The following NRN1L variants were observed in gnomAD, a reference collection of about 807,000 sequenced individuals.
The protein encoded by NRN1L is neuritin 1 like, also known as neuritin-like protein.
Under a neutral mutation model 8.8 loss-of-function variants are expected in NRN1L, and 12 were observed. The ratio of observed to expected loss-of-function variants is 1.36; its 90% confidence interval spans 0.87 to 2.20. The LOEUF is 2.20. Ranked by LOEUF, NRN1L falls within the 30% of genes most tolerant of loss-of-function variation. The probability of loss-of-function intolerance (pLI) is 0.00; values close to 1 mark genes in which losing one functional copy is unlikely to be tolerated. For missense variants in NRN1L, 266 were observed against 232.4 expected (o/e 1.14, Z -0.94); for synonymous variants, 114 against 99.2 (o/e 1.15, Z -0.88).
chr16:67,886,484 CCTCAATCTTCCTCCTTACAAACA>C (rs1598181709), downstream of NRN1L: 3 of 527,192 alleles, frequency 5.7e-6, no homozygotes, highest in East Asian at 9.5e-5. Flanking sequence ...CCACAGGGGC[CCTCAATCTTCCTCCTTACAAACA>C]CTCATTTCCC....
downstream of NRN1L, among the ~76,000 whole-genome samples, chr16:67,887,760 A>C (rs1197142756): frequency 6.6e-6 from 1 of 151,494 alleles, no homozygotes; most frequent in East Asian, 1.9e-4. Flanking sequence ...TTTTTTTTGT[A>C]TTTTTAGTAG....
chr16:67,886,331 C>T lies in NRN1L; in HGVS notation c.*72C>T, dbSNP rs529410463. ...CGGTGGTTGTCCAGGCTCTGCAGAG[C>T]GCAGCAGGGCTTTTCATTAAAGGTA... On this transcript the variant is annotated 3_prime_UTR_variant, in exon 3 of 3. Coordinates refer to ENST00000339176, the MANE Select transcript of NRN1L (RefSeq NM_198443.2). 13 of 1,276,620 alleles carry T rather than the reference C, an allele frequency of 1.0e-5. No homozygotes were observed. In the South Asian group the frequency reaches 1.0e-4, roughly 10 times the overall value. 79.1% of individuals were successfully genotyped at this position (1,276,620 alleles called of 1,614,324 possible). A position where few individuals can be genotyped will look rare whatever the true frequency, so the allele number is the denominator to read the frequency against.
Position 67,886,008 on chromosome 16 carries a change from G to A in NRN1L, c.247G>A (p.Val83Ile). The change falls in exon 3 of 3, where the codon GTC becomes ATC. Residue 83 changes from valine to isoleucine, a missense_variant. Physicochemically the swap from Val to Ile is conservative, Grantham distance 29. Coordinates refer to ENST00000339176, the MANE Select transcript of NRN1L (RefSeq NM_198443.2). ...WNDFHACASQ[V>I]LSGCPEEAAA... ...TGACTTCCATGCCTGTGCCTCTCAG[G>A]TCCTGTCAGGCTGTCCGGAGGAGGC... 2.5e-6 allele frequency: 4 copies of A among 1,614,156 alleles called. No homozygotes were observed. Among genetic ancestry groups the A allele is most frequent in the Non-Finnish European group, 3.4e-6 (4 of 1,180,032 alleles).
chr16:67,884,892 T>G lies in NRN1L; in HGVS notation c.-12T>G. On this transcript the variant is annotated 5_prime_UTR_variant, in exon 1 of 3. Transcript: ENST00000339176. This position sits in a 1 kb window ranked among gnomAD's most constrained non-coding sequence, Gnocchi z 4.1. ...CAAGCAGCTAGCTCCTGCACTAGGCTCTCAGCCAGGGATGATGCGCTGCTG... is the reference window on the plus strand; with the variant it reads ...CAAGCAGCTAGCTCCTGCACTAGGCGCTCAGCCAGGGATGATGCGCTGCTG... The G allele has an allele frequency of 6.2e-7, 1 of 1,603,332 alleles. No homozygotes were observed.
chr16:67,885,712 C>CCCCA lies in NRN1L; in HGVS notation c.80-9_80-8insCCAC. The stretch of plus-strand genomic sequence containing the variant: ...ATTCCTTCCCCACCCCACCCCCGCC[C>CCCCA]CACTTCTAGTCCTTTTACCTCCCCT... On this transcript the variant is annotated splice_polypyrimidine_tract_variant and intron_variant, in intron 1 of 2. Transcript: ENST00000339176. 1.3e-6 allele frequency: 2 copies of CCCCA among 1,510,454 alleles called. No homozygotes were observed. The highest frequency in any genetic ancestry group is 1.8e-6 in the Non-Finnish European group (2 of 1,105,304). The allele number at this position is 1,510,454 out of a possible 1,614,324, so 93.6% of individuals were successfully genotyped here.
downstream of NRN1L, among the ~76,000 whole-genome samples, chr16:67,887,292 CT>C (rs921896791): frequency 2.0e-3 from 286 of 146,372 alleles, 1 homozygote; most frequent in Middle Eastern, 3.6e-3. Flanking sequence ...TTATTCTTTA[CT>C]TTTTTTTTTT....
chr16:67,887,745 G>T (rs1170780831), downstream of NRN1L, among the ~76,000 whole-genome samples: 1 of 152,052 alleles, frequency 6.6e-6, no homozygotes, highest in Non-Finnish European at 1.5e-5. Context: ...ACCACGCCTG[G>T]CTAATTTTTT....
At chr16:67,886,464 C>T, downstream of NRN1L, 1 of 573,982 alleles carries the variant, frequency 1.7e-6, no homozygotes, top group South Asian at 2.3e-5. Context: ...ATGGGCGGGG[C>T]TGAGGGCCAC....
Position 67,885,276 on chromosome 16 carries a change from C to T in NRN1L, c.79+294C>T, listed in dbSNP as rs2058090607. The T allele has an allele frequency of 4.3e-5, 24 of 563,320 alleles. No individual in the cohort carries two copies. In the South Asian group the frequency reaches 4.7e-4, roughly 11 times the overall value. 34.9% of individuals were successfully genotyped at this position (563,320 alleles called of 1,614,324 possible). A position where few individuals can be genotyped will look rare whatever the true frequency, so the allele number is the denominator to read the frequency against. ...CCTCTCTGAGGGTCTGGCCTGGATC[C>T]CAATACCTCTGCATCCTGCCTTGTC... On this transcript the variant is annotated intron_variant, in intron 1 of 2. Transcript: ENST00000339176.
At chr16:67,887,584 CT>C (rs754203845), downstream of NRN1L, among the ~76,000 whole-genome samples, 680 of 138,604 alleles carry the variant, frequency 4.9e-3, 5 homozygotes, top group African/African-American at 0.011. Context: ...TCTTTACTTT[CT>C]TTTTTTTTTT....
chr16:67,885,880 C>T (rs753101913), intron 2 of NRN1L, 26 bp downstream of exon 2: 3 of 1,571,224 alleles, frequency 1.9e-6, no homozygotes, highest in East Asian at 2.2e-5. Context: ...AGGCAGTGGC[C>T]CAACCTGTGC....
At chr16:67,887,275 C>T (rs1422042197), downstream of NRN1L, among the ~76,000 whole-genome samples, 8 of 152,036 alleles carry the variant, frequency 5.3e-5, no homozygotes, top group Non-Finnish European at 1.2e-4. Flanking sequence ...TTATCACTCC[C>T]TCCACTTTAT....
chr16:67,888,581 G>C (rs2058103031), downstream of NRN1L: 1 of 152,188 alleles, frequency 6.6e-6, no homozygotes, highest in Admixed American at 6.5e-5. Context: ...GGAGGAGAGG[G>C]GTGGGCTGAT....
downstream of NRN1L, among the ~76,000 whole-genome samples, chr16:67,887,091 C>A (rs2058098958): frequency 6.6e-6 from 1 of 152,126 alleles, no homozygotes; most frequent in African/African-American, 2.4e-5. Context: ...CCTCTTCATA[C>A]CGGTGGAAAG....
downstream of NRN1L, among the ~76,000 whole-genome samples, chr16:67,887,847 T>C (rs2058101543): frequency 6.6e-6 from 1 of 152,190 alleles, no homozygotes; most frequent in Admixed American, 6.5e-5. Context: ...CTCCCAGTGT[T>C]GGGATTACAG....
downstream of NRN1L, among the ~76,000 whole-genome samples, chr16:67,888,196 A>C (rs1186598263): frequency 1.3e-5 from 2 of 152,192 alleles, no homozygotes; most frequent in Non-Finnish European, 2.9e-5. Context: ...GTGTGGAATG[A>C]AAGATAGAAC....
chr16:67,887,516 C>T (rs893619126), downstream of NRN1L, among the ~76,000 whole-genome samples: 5 of 151,778 alleles, frequency 3.3e-5, no homozygotes, highest in Non-Finnish European at 7.4e-5. Flanking sequence ...GTGATCTGAC[C>T]CCCGCGGCCT....
intron 1 of NRN1L, 163 bp from the exon 2 acceptor site, chr16:67,885,559 A>G (rs1191027181): frequency 1.7e-6 from 1 of 588,260 alleles, no homozygotes; most frequent in Non-Finnish European, 3.0e-6. Flanking sequence ...GGGCCTGGGT[A>G]GGTAATCCCC....
chr16:67,885,653 G>A, intron 1 of NRN1L, 69 bp from the exon 2 acceptor site: 1 of 1,289,744 alleles, frequency 7.8e-7, no homozygotes, highest in Non-Finnish European at 1.1e-6. Flanking sequence ...AGCCCCTGGG[G>A]GCTGGGGGAT....
Sources: gnomAD v4.1 joint callset for allele counts (sites outside exome capture counted in the v4.1 genomes callset) on GRCh38, gnomAD v4.1.1 for gene constraint, Gnocchi (gnomAD v3.1) non-coding constraint, MANE v1.5 for transcripts, NCBI Gene and HGNC (gene_info 2026-07-23, HGNC 2026-07-21) for gene names.